Variants in TENM2 observed in about 807,000 individuals in gnomAD.
The protein encoded by TENM2 is teneurin transmembrane protein 2, also known as teneurin-2.
In TENM2, 52 loss-of-function variants were observed where a neutral mutation model predicts 245.2. The ratio of observed to expected loss-of-function variants is 0.21; its 90% CI spans 0.17 to 0.27. The LOEUF is 0.27. Among genes scored for constraint, TENM2 ranks in the 10% least tolerant of loss-of-function variants. TENM2 has a pLI of 1.00. For synonymous variants in TENM2, 1,363 were observed against 1,438.9 expected (o/e 0.95, Z 1.19); for missense variants, 3,046 against 3,666.8 (o/e 0.83, Z 4.37).
chr5:167,925,365 GGTT>G (rs1178909010), intron 3 of TENM2, among the ~76,000 whole-genome samples: 1 of 152,210 alleles, frequency 6.6e-6, no homozygotes, highest in African/African-American at 2.4e-5. Flanking sequence ...ACCTCCAGAG[GGTT>G]GAGGATTACC....
At chr5:167,300,673 G>A (rs1024072371) in intron 1 of TENM2, among the ~76,000 whole-genome samples, 2 of 152,062 alleles carry the variant, frequency 1.3e-5, no homozygotes, top group African/African-American at 4.8e-5. Flanking sequence ...AGGTTTTAAT[G>A]GGATGGTAAG....
At chr5:167,617,476 T>A (rs185523859) in intron 2 of TENM2, among the ~76,000 whole-genome samples, 80 of 152,314 alleles carry the variant, frequency 5.3e-4, no homozygotes, top group African/African-American at 1.9e-3. Context: ...ATTCAATGTA[T>A]TGTTTTAGTC....
chr5:168,262,136 G>A lies in TENM2; in HGVS notation c.7651G>A (p.Ala2551Thr), dbSNP rs753926409. Residue 2551 changes from alanine to threonine, a missense_variant, in exon 29 of 29, where the codon GCC becomes ACC. Ala to Thr is a moderately conservative substitution (Grantham distance 58, BLOSUM62 0). Around this residue, in one of 2 missense-constraint regions of TENM2, gnomAD observed 2,704 missense variants for 3,331.9 expected, o/e 0.81. Transcript: ENST00000518659. ...ACAGGTCATTACTAAAAAGCTCCAC[G>A]CCAGCATCCGAGAGAAAGCAGGTCA... 11 of 1,613,740 alleles carry A rather than the reference G, an allele frequency of 6.8e-6. No individual in the cohort carries two copies. In the Admixed American group the frequency reaches 8.3e-5, roughly 12 times the overall value.
At chr5:167,724,903 G>C (rs1759885534) in intron 2 of TENM2, among the ~76,000 whole-genome samples, 2 of 152,102 alleles carry the variant, frequency 1.3e-5, no homozygotes, top group African/African-American at 4.8e-5. Flanking sequence ...GATTACGGCA[G>C]GTAAGCTCTG....
In TENM2 at chr5:168,184,975, G is replaced by C. The variant is rs1205778510; in HGVS notation, c.2570-5362G>C. The stretch of plus-strand genomic sequence containing the variant: ...TTGTGTCTCACAGGTAAATAGTGTG[G>C]TCCTCTGCAGCCTACAATGCCAGGA... On this transcript the variant is annotated intron_variant, in intron 13 of 28. Transcript: ENST00000518659. Among the ~76,000 whole-genome samples, 5 of 152,208 alleles carry C rather than the reference G, an allele frequency of 3.3e-5. No homozygotes were observed. The East Asian group carries it at 9.6e-4, about 29-fold the overall frequency.
intron 13 of TENM2, among the ~76,000 whole-genome samples, chr5:168,178,714 CTTCAT>C (rs1759575797): frequency 1.3e-5 from 2 of 152,300 alleles, no homozygotes; most frequent in Admixed American, 6.5e-5. Context: ...CAGTATTTCC[CTTCAT>C]AAGTCCTGTG....
At chr5:168,163,724 A>G (rs1480560779) in intron 13 of TENM2, among the ~76,000 whole-genome samples, 1 of 152,230 alleles carries the variant, frequency 6.6e-6, no homozygotes, top group South Asian at 2.1e-4. Context: ...TCACCAGGCC[A>G]TCTCTAAATT....
intron 2 of TENM2, among the ~76,000 whole-genome samples, chr5:167,542,719 T>A (rs537306309): frequency 6.6e-6 from 1 of 152,294 alleles, no homozygotes; most frequent in East Asian, 1.9e-4. Context: ...TGCCAACCAT[T>A]GTATTTTCTG....
intron 2 of TENM2, among the ~76,000 whole-genome samples, chr5:167,704,893 G>A (rs1313248121): frequency 6.6e-6 from 1 of 152,192 alleles, no homozygotes; most frequent in Non-Finnish European, 1.5e-5. Context: ...AAGAGCATGT[G>A]TTAGGTCTGC....
the TENM2 span, among the ~76,000 whole-genome samples, chr5:167,084,703 T>A: frequency 6.6e-6 from 1 of 152,176 alleles, no homozygotes; most frequent in Non-Finnish European, 1.5e-5. Flanking sequence ...AGCAATATTT[T>A]CTGGCACAAC....
At chr5:168,245,377 G>C (rs545121159) in intron 26 of TENM2, among the ~76,000 whole-genome samples, 5 of 152,230 alleles carry the variant, frequency 3.3e-5, no homozygotes, top group South Asian at 2.1e-4. Context: ...GAAATGCAGT[G>C]ATTCATTTCT....
At chr5:168,193,317 T>A (rs1282707919) in intron 14 of TENM2, among the ~76,000 whole-genome samples, 1 of 152,082 alleles carries the variant, frequency 6.6e-6, no homozygotes, top group Non-Finnish European at 1.5e-5. Flanking sequence ...AACTCGAAAA[T>A]TCAAGATTTC....
intron 27 of TENM2, among the ~76,000 whole-genome samples, chr5:168,251,933 A>G (rs10447203): frequency 0.51 from 77,079 of 152,124 alleles, 21,225 homozygotes; most frequent in South Asian, 0.61. Context: ...AGGAACACAA[A>G]TTAGCCTCCA....
chr5:167,848,747 A>G (rs915720675), intron 2 of TENM2, among the ~76,000 whole-genome samples: 2 of 152,040 alleles, frequency 1.3e-5, no homozygotes, highest in Non-Finnish European at 1.5e-5. Context: ...TGTTATTTCC[A>G]TTTATGGTTG....
the TENM2 span, among the ~76,000 whole-genome samples, chr5:167,193,062 A>C: frequency 6.6e-6 from 1 of 152,074 alleles, no homozygotes; most frequent in African/African-American, 2.4e-5. Context: ...TCACAGACTG[A>C]AAACTTTTCT....
the TENM2 span, among the ~76,000 whole-genome samples, chr5:167,123,760 C>A: frequency 1.3e-5 from 2 of 152,108 alleles, no homozygotes; most frequent in African/African-American, 4.8e-5. Flanking sequence ...AATTCTGCTT[C>A]TATATAAAGG....
chr5:167,648,054 T>C (rs909142960), intron 2 of TENM2, among the ~76,000 whole-genome samples: 10 of 152,164 alleles, frequency 6.6e-5, no homozygotes, highest in African/African-American at 2.2e-4. Context: ...AATACCTTTG[T>C]TGAAAAACAC....
chr5:167,978,092 A>AGCATAT (rs1185959879), intron 4 of TENM2, among the ~76,000 whole-genome samples: 19 of 152,160 alleles, frequency 1.2e-4, no homozygotes, highest in African/African-American at 4.6e-4. Flanking sequence ...CATGATTGGA[A>AGCATAT]GCTTCCTGAG....
At chr5:167,285,165 A>C in intron 1 of TENM2, 102 bp downstream of exon 3, 3 of 841,866 alleles carry the variant, frequency 3.6e-6, no homozygotes, top group South Asian at 3.1e-5. Flanking sequence ...GGTTTTTGAC[A>C]GATGTACCCT....
Sources: gnomAD v4.1 joint callset for allele counts (sites outside exome capture counted in the v4.1 genomes callset) on GRCh38, gnomAD v4.1.1 for gene constraint, gnomAD v4.1.1 regional missense constraint, MANE v1.5 for transcripts, NCBI Gene and HGNC (gene_info 2026-07-23, HGNC 2026-07-21) for gene names.